SSU72: variants seen among roughly 807,000 people sequenced by gnomAD.
The protein encoded by SSU72 is RNA polymerase II subunit A C-terminal domain phosphatase SSU72.
Under a neutral mutation model 22.7 loss-of-function variants are expected in SSU72, and 12 were observed. The ratio of observed to expected loss-of-function variants is 0.53; its 90% CI spans 0.34 to 0.86. The LOEUF is 0.86. SSU72 is among the 40% of genes least tolerant of loss of function. The pLI is 0.02. For missense variants in SSU72, 151 were observed against 249.8 expected, an observed-to-expected ratio of 0.60 and a Z score of 2.67; for synonymous variants, 116 against 98.3, an observed-to-expected ratio of 1.18 and a Z score of -1.06.
In SSU72 at chr1:1,573,578, G is replaced by C. The variant is rs564154468; in HGVS notation, c.80+900C>G. On this transcript the variant is annotated intron_variant, in intron 1 of 4. Transcript: ENST00000291386. ...GATCCGCGTGCGTCGGCCTCCCAAA[G>C]TGCGGGGACTACACGCGTGAGCCAC... 2.0e-3 allele frequency among the ~76,000 whole-genome samples: 302 copies of C among 151,926 alleles called. 2 individuals are homozygous for C. Among genetic ancestry groups the C allele is most frequent in the Non-Finnish European group, 3.0e-3 (205 of 67,956 alleles).
intron 2 of SSU72, 199 bp downstream of exon 2, chr1:1,564,574 G>A (rs568303606): frequency 2.2e-5 from 35 of 1,596,036 alleles, no homozygotes; most frequent in Middle Eastern, 1.9e-4. Context: ...GCCTCACCAC[G>A]CCTACTGCCA....
chr1:1,543,748 CCT>C (rs1157793964), intron 4 of SSU72, 119 bp downstream of exon 4: 22 of 735,526 alleles, frequency 3.0e-5, no homozygotes, highest in Non-Finnish European at 4.7e-5. Flanking sequence ...CGGCCACTCC[CCT>C]CTGTCACGGC....
chr1:1,566,146 T>C (rs1302892854), intron 1 of SSU72, among the ~76,000 whole-genome samples: 2 of 151,318 alleles, frequency 1.3e-5, no homozygotes, highest in Admixed American at 6.6e-5. Context: ...GTGCCTGTAA[T>C]CCCAGCTACT....
chr1:1,573,720 T>C (rs1403313811), intron 1 of SSU72, among the ~76,000 whole-genome samples: 1 of 152,228 alleles, frequency 6.6e-6, no homozygotes, highest in East Asian at 1.9e-4. Context: ...AACACTGTTT[T>C]CATTTAAAGT....
At position 1,542,672 on chromosome 1, in the gene SSU72, C is replaced by T. The variant is rs917635858; in HGVS notation, c.484-505G>A. On this transcript the variant is annotated intron_variant, in intron 4 of 4. Transcript: ENST00000291386. The surrounding 1 kb of genome is among the most constrained non-coding windows in gnomAD (Gnocchi z 4.4). ...GGCAGCTCGTTACTCGCCATCTCCA[C>T]TGTCCCCTGGTCCCCAGCCTTGGCC... Among the ~76,000 whole-genome samples, 2 of 152,176 alleles carry T rather than the reference C, an allele frequency of 1.3e-5. No individual in the cohort carries two copies. Among genetic ancestry groups the T allele is most frequent in the Non-Finnish European group, 2.9e-5 (2 of 68,036 alleles).
chr1:1,556,292 C>T (rs1434695712), intron 2 of SSU72, among the ~76,000 whole-genome samples: 2 of 152,154 alleles, frequency 1.3e-5, no homozygotes, highest in Admixed American at 6.5e-5. Context: ...ATTAGCCAGG[C>T]GTGGTGGCGG....
chr1:1,569,466 G>GCTGATTTTCAATAGGGTGAAATTGTTA (rs1642702882), intron 1 of SSU72, among the ~76,000 whole-genome samples: 1 of 152,122 alleles, frequency 6.6e-6, no homozygotes, highest in Admixed American at 6.6e-5. Flanking sequence ...TAGAGTCCAC[G>GCTGATTTTCAATAGGGTGAAATTGTTA]CTGATTTTCA....
At chr1:1,574,334 G>A (rs1488724068) in intron 1 of SSU72, 144 bp downstream of exon 1, 10 of 811,232 alleles carry the variant, frequency 1.2e-5, no homozygotes, top group Middle Eastern at 3.2e-4. Flanking sequence ...CTGCCGTCCA[G>A]CTGCCATCCC....
chr1:1,567,305 C>T (rs534974667), intron 1 of SSU72, among the ~76,000 whole-genome samples: 3 of 152,314 alleles, frequency 2.0e-5, no homozygotes, highest in Admixed American at 1.3e-4. Context: ...ATGACAGCTG[C>T]GTCAGTCCTT....
At chr1:1,556,675 C>T (rs533401059) in intron 2 of SSU72, among the ~76,000 whole-genome samples, 135 of 152,332 alleles carry the variant, frequency 8.9e-4, no homozygotes, top group African/African-American at 3.1e-3. Context: ...CAACTGTAAC[C>T]GTGGCCTCAA....
In SSU72 at chr1:1,564,622, T is replaced by C. The variant is rs770569118; in HGVS notation, c.224+151A>G. On this transcript the variant is annotated intron_variant, in intron 2 of 4. Coordinates refer to ENST00000291386, the MANE Select transcript of SSU72 (RefSeq NM_014188.3). ...GAACTAACCCGTGGACGATCCGACGTGCACCAGGAATAGAAACCAAGCTCT... is the reference window on the plus strand; with the variant it reads ...GAACTAACCCGTGGACGATCCGACGCGCACCAGGAATAGAAACCAAGCTCT... 3 of 1,613,686 alleles carry C rather than the reference T, an allele frequency of 1.9e-6. No homozygotes were observed. The South Asian group carries it at 3.3e-5, about 18-fold the overall frequency.
At chr1:1,572,956 G>A (rs2100725821) in intron 1 of SSU72, among the ~76,000 whole-genome samples, 1 of 148,550 alleles carries the variant, frequency 6.7e-6, no homozygotes, top group Admixed American at 6.8e-5. Context: ...TATAAATGAA[G>A]ATCCAGCACA....
intron 2 of SSU72, chr1:1,546,304 C>T (rs375827813): frequency 1.3e-5 from 2 of 152,230 alleles, no homozygotes; most frequent in South Asian, 2.1e-4. Flanking sequence ...GTTGATCTAA[C>T]GGCATCTGAC....
chr1:1,552,218 G>A (rs1367818608), intron 2 of SSU72, among the ~76,000 whole-genome samples: 2 of 152,186 alleles, frequency 1.3e-5, no homozygotes, highest in Non-Finnish European at 2.9e-5. Context: ...TGCACAGGGA[G>A]GTGAGGTCAC....
intron 2 of SSU72, chr1:1,562,808 G>A (rs1486700173): frequency 2.0e-5 from 3 of 152,312 alleles, no homozygotes; most frequent in Non-Finnish European, 2.9e-5. Context: ...CAAGGACATG[G>A]CCTGACAGCT....
At chr1:1,550,811 AG>A (rs1345362244) in intron 2 of SSU72, among the ~76,000 whole-genome samples, 1 of 152,182 alleles carries the variant, frequency 6.6e-6, no homozygotes, top group Non-Finnish European at 1.5e-5. Flanking sequence ...GTTCATCAGC[AG>A]GAAGGCTGCA....
rs1642338136 is a variant in SSU72, at chr1:1,542,676, C to T, written c.484-509G>A. ...GCTCGTTACTCGCCATCTCCACTGTCCCCTGGTCCCCAGCCTTGGCCAGCA... is the reference window on the plus strand; with the variant it reads ...GCTCGTTACTCGCCATCTCCACTGTTCCCTGGTCCCCAGCCTTGGCCAGCA... On this transcript the variant is annotated intron_variant, in intron 4 of 4. Transcript: ENST00000291386. The surrounding 1 kb of genome is among the most constrained non-coding windows in gnomAD (Gnocchi z 4.4). 6.6e-6 allele frequency among the ~76,000 whole-genome samples: 1 copy of T among 152,150 alleles called. No individual in the cohort carries two copies. Among genetic ancestry groups the T allele is most frequent in the Non-Finnish European group, 1.5e-5 (1 of 68,042 alleles).
chr1:1,543,633 A>G (rs1208938383), intron 4 of SSU72, among the ~76,000 whole-genome samples: 1 of 150,438 alleles, frequency 6.6e-6, no homozygotes, highest in Non-Finnish European at 1.5e-5. Flanking sequence ...CCCCACTGTC[A>G]CGGCCTCGGC....
At chr1:1,550,161 G>C (rs1243649148) in intron 2 of SSU72, among the ~76,000 whole-genome samples, 1 of 143,224 alleles carries the variant, frequency 7.0e-6, no homozygotes, top group East Asian at 2.1e-4. Context: ...CTGAGACAGA[G>C]CGAGAGTGTC....
Sources: allele counts gnomAD v4.1 joint callset (sites outside exome capture counted in the v4.1 genomes callset), GRCh38; gene constraint gnomAD v4.1.1; non-coding constraint Gnocchi (gnomAD v3.1); transcripts MANE v1.5; gene names NCBI Gene and HGNC (gene_info 2026-07-23, HGNC 2026-07-21).